The following DLGAP2 variants were observed in gnomAD, a reference collection of about 807,000 sequenced individuals.
DLGAP2 encodes the protein disks large-associated protein 2.
Under a neutral mutation model 100.3 loss-of-function variants are expected in DLGAP2, and 26 were observed. That is an observed-to-expected ratio of 0.26 (90% CI 0.19 to 0.36). The LOEUF is 0.36. DLGAP2 is among the 10% of genes least tolerant of loss of function. The probability of loss-of-function intolerance (pLI) is 1.00; values close to 1 mark genes in which losing one functional copy is unlikely to be tolerated. For synonymous variants in DLGAP2, 886 were observed against 630.1 expected, an observed-to-expected ratio of 1.41 and a Z score of -6.08; for missense variants, 1,858 against 1,453.2, an observed-to-expected ratio of 1.28 and a Z score of -4.53.
chr8:1,092,160 C>A (rs1297846987), intron 2 of DLGAP2, among the ~76,000 whole-genome samples: 1 of 152,198 alleles, frequency 6.6e-6, no homozygotes, highest in Non-Finnish European at 1.5e-5. Flanking sequence ...TCCTCGCCTG[C>A]CTGGCTCAAG....
intron 1 of DLGAP2, among the ~76,000 whole-genome samples, chr8:751,365 G>C (rs1820784423): frequency 6.6e-6 from 1 of 152,246 alleles, no homozygotes; most frequent in African/African-American, 2.4e-5. Flanking sequence ...GTGGAAAGGA[G>C]CGTTTTCCTG....
At chr8:1,223,357 G>C (rs577259918) in intron 2 of DLGAP2, among the ~76,000 whole-genome samples, 4 of 152,224 alleles carry the variant, frequency 2.6e-5, no homozygotes, top group Non-Finnish European at 5.9e-5. Flanking sequence ...CGTGTGCATG[G>C]AGCCAGCCAT....
chr8:1,275,183 A>G (rs1799657813), intron 3 of DLGAP2, among the ~76,000 whole-genome samples: 1 of 152,146 alleles, frequency 6.6e-6, no homozygotes, highest in South Asian at 2.1e-4. Flanking sequence ...TATTATGTAT[A>G]AAACCTGATC....
At chr8:1,064,671 G>A (rs953499148) in intron 2 of DLGAP2, among the ~76,000 whole-genome samples, 12 of 152,138 alleles carry the variant, frequency 7.9e-5, no homozygotes, top group African/African-American at 2.7e-4. Context: ...AATATTCGCT[G>A]TCAACACGGG....
At chr8:1,020,231 C>T (rs1801589853) in intron 2 of DLGAP2, among the ~76,000 whole-genome samples, 1 of 152,192 alleles carries the variant, frequency 6.6e-6, no homozygotes, top group Non-Finnish European at 1.5e-5. Flanking sequence ...AAGTTTTCAG[C>T]TCCAGAGGGA....
chr8:1,661,505 T>G lies in DLGAP2; in HGVS notation c.1811-6824T>G, dbSNP rs531775575. 1.4e-4 allele frequency among the ~76,000 whole-genome samples: 21 copies of G among 152,298 alleles called. No homozygotes were observed. In the South Asian group the frequency reaches 2.7e-3, roughly 20 times the overall value. The stretch of plus-strand genomic sequence containing the variant: ...CAGGAAAGGACATGGGAGATCCATC[T>G]CAAATCCATCTCCCTGGCAAACTAA... On this transcript the variant is annotated intron_variant, in intron 8 of 14. Coordinates refer to ENST00000637795, the MANE Select transcript of DLGAP2 (RefSeq NM_001346810.2).
chr8:1,561,726 G>A (rs2906580), intron 5 of DLGAP2, among the ~76,000 whole-genome samples: 42,433 of 115,090 alleles, frequency 0.37, 5,851 homozygotes, highest in Admixed American at 0.46. Context: ...TGGGGTGTCC[G>A]CGCCTCGTTT....
At chr8:1,265,849 T>G (rs1799439503) in intron 3 of DLGAP2, among the ~76,000 whole-genome samples, 1 of 151,366 alleles carries the variant, frequency 6.6e-6, no homozygotes, top group African/African-American at 2.4e-5. Context: ...AATAGAAGAG[T>G]AGACAGGTAG....
At chr8:1,023,732 A>G (rs1012522052) in intron 2 of DLGAP2, among the ~76,000 whole-genome samples, 5 of 151,948 alleles carry the variant, frequency 3.3e-5, no homozygotes, top group African/African-American at 1.2e-4. Context: ...CTTAGAGTGC[A>G]CCTGTGAGGT....
intron 1 of DLGAP2, chr8:740,410 G>A (rs544488014): frequency 2.6e-5 from 4 of 152,230 alleles, no homozygotes; most frequent in African/African-American, 9.6e-5. Context: ...TGATTTAAAT[G>A]GGTTAATTCG....
At chr8:1,553,483 T>C (rs4875874) in intron 5 of DLGAP2, among the ~76,000 whole-genome samples, 16 of 2,070 alleles carry the variant, frequency 7.7e-3, no homozygotes, top group African/African-American at 0.025. Flanking sequence ...CCGTTGTGCT[T>C]GGCGTGTTCA....
chr8:1,548,126 A>G (rs772541796), intron 4 of DLGAP2, among the ~76,000 whole-genome samples: 13 of 152,096 alleles, frequency 8.5e-5, no homozygotes, highest in Non-Finnish European at 1.3e-4. Context: ...ATTTGGGAAC[A>G]TCAGTGTTTC....
intron 2 of DLGAP2, among the ~76,000 whole-genome samples, chr8:1,164,040 T>G (rs1205594214): frequency 6.6e-6 from 1 of 152,186 alleles, no homozygotes; most frequent in Non-Finnish European, 1.5e-5. Flanking sequence ...TCTCCTCTAG[T>G]GAGACTCGGT....
intron 6 of DLGAP2, among the ~76,000 whole-genome samples, chr8:1,601,260 G>A (rs1220662528): frequency 6.6e-6 from 1 of 152,186 alleles, no homozygotes; most frequent in Non-Finnish European, 1.5e-5. Flanking sequence ...GTCCCAGAGG[G>A]ACTCCTGCCA....
chr8:1,038,542 A>G (rs146185959), intron 2 of DLGAP2, among the ~76,000 whole-genome samples: 7 of 152,370 alleles, frequency 4.6e-5, no homozygotes, highest in African/African-American at 1.7e-4. Flanking sequence ...TTTATGGGCT[A>G]GAAATAAATA....
chr8:1,166,693 C>A (rs930799281), intron 2 of DLGAP2, among the ~76,000 whole-genome samples: 1 of 152,152 alleles, frequency 6.6e-6, no homozygotes, highest in East Asian at 1.9e-4. Context: ...AATCACCCCA[C>A]ATTGTGAACG....
chr8:1,306,164 T>C (rs888452369), intron 3 of DLGAP2, among the ~76,000 whole-genome samples: 3 of 150,198 alleles, frequency 2.0e-5, no homozygotes, highest in Non-Finnish European at 4.4e-5. Context: ...GATGACATAA[T>C]CTTATATGTA....
intron 2 of DLGAP2, among the ~76,000 whole-genome samples, chr8:1,202,535 C>G (rs1797901554): frequency 6.6e-6 from 1 of 152,132 alleles, no homozygotes; most frequent in African/African-American, 2.4e-5. Context: ...GGAATGTATT[C>G]CAAGTCCATT....
rs79416347 is a variant in DLGAP2 at position 1,175,479 on chromosome 8, A to G, written c.74-83372A>G. On this transcript the variant is annotated intron_variant, in intron 2 of 14. Coordinates refer to ENST00000637795, the MANE Select transcript of DLGAP2 (RefSeq NM_001346810.2). ...ATAAAAGCATAATTTGATCACTAAT[A>G]TATGTACTTGGGCTAATAAAAGTTG... Among the ~76,000 whole-genome samples the G allele has an allele frequency of 5.3e-3, 814 of 152,364 alleles. 7 individuals are homozygous for G. Among genetic ancestry groups the G allele is most frequent in the Admixed American group, 0.01 (156 of 15,304 alleles).
Sources: gnomAD v4.1 joint callset for allele counts (sites outside exome capture counted in the v4.1 genomes callset) on GRCh38, gnomAD v4.1.1 for gene constraint, MANE v1.5 for transcripts, NCBI Gene and HGNC (gene_info 2026-07-23, HGNC 2026-07-21) for gene names.